TMEM266: variants seen among roughly 807,000 people sequenced by gnomAD.
TMEM266 encodes Hv1 related protein 1.
TMEM266 carries 33 observed loss-of-function variants against 50.5 expected under a neutral mutation model. The observed-to-expected ratio is 0.65, with a 90% CI of 0.50 to 0.87. The LOEUF is 0.87. Ranked by LOEUF, TMEM266 falls within the 40% of genes least tolerant of loss-of-function variation. TMEM266 has a pLI of 0.00. For synonymous variants in TMEM266, 310 were observed against 292.3 expected (o/e 1.06, Z -0.62); for missense variants, 655 against 695.1 (o/e 0.94, Z 0.65).
At chr15:76,194,041 A>G (rs2469566) in intron 9 of TMEM266, among the ~76,000 whole-genome samples, 77,181 of 151,918 alleles carry the variant, frequency 0.51, 19,933 homozygotes, top group South Asian at 0.63. Flanking sequence ...TTCTGGACCC[A>G]GGTCCCCACG....
intron 1 of TMEM266, among the ~76,000 whole-genome samples, chr15:76,083,217 C>T (rs1320402142): frequency 6.7e-6 from 1 of 150,164 alleles, no homozygotes; most frequent in Non-Finnish European, 1.5e-5. Flanking sequence ...GGGGAACCGT[C>T]AGGGGTGCTG....
intron 1 of TMEM266, among the ~76,000 whole-genome samples, chr15:76,060,916 A>T (rs2036289420): frequency 6.6e-6 from 1 of 152,116 alleles, no homozygotes; most frequent in Non-Finnish European, 1.5e-5. Flanking sequence ...TTAAAATAAG[A>T]CCTACCTATG....
intron 1 of TMEM266, among the ~76,000 whole-genome samples, chr15:76,111,655 G>A (rs888682303): frequency 4.6e-5 from 7 of 152,176 alleles, no homozygotes; most frequent in East Asian, 1.9e-4. Flanking sequence ...TGATCCACCC[G>A]CCTCAGCCTC....
intron 1 of TMEM266, among the ~76,000 whole-genome samples, chr15:76,069,108 GA>G (rs1449323657): frequency 6.6e-6 from 1 of 152,096 alleles, no homozygotes; most frequent in African/African-American, 2.4e-5. Context: ...TGACATAGCA[GA>G]AAAAAGATAG....
At chr15:76,073,337 A>G (rs1224186875) in intron 1 of TMEM266, among the ~76,000 whole-genome samples, 3 of 150,552 alleles carry the variant, frequency 2.0e-5, no homozygotes, top group Admixed American at 6.6e-5. Context: ...GGTCCAAGTG[A>G]TTCTTCTGCC....
At chr15:76,091,103 C>A (rs990902057) in intron 1 of TMEM266, among the ~76,000 whole-genome samples, 1 of 151,778 alleles carries the variant, frequency 6.6e-6, no homozygotes, top group Non-Finnish European at 1.5e-5. Flanking sequence ...ATTAGGAGAT[C>A]CTGGCTAACA....
chr15:76,191,718 C>T lies in TMEM266; in HGVS notation c.769-250C>T. ...CGTTGTGTTTCCTCTCCCGGGCATCCGTGAGATGGGGGCCAGACTGCAAGG... is the reference window on the plus strand; with the variant it reads ...CGTTGTGTTTCCTCTCCCGGGCATCTGTGAGATGGGGGCCAGACTGCAAGG... On this transcript the variant is annotated intron_variant, in intron 8 of 10. Transcript: ENST00000388942. The T allele has an allele frequency of 8.9e-6, 4 of 447,498 alleles. No individual in the cohort carries two copies. The South Asian group carries it at 1.2e-4, about 14-fold the overall frequency. 27.7% of individuals were successfully genotyped at this position (447,498 alleles called of 1,614,324 possible).
At chr15:76,198,881 G>A (rs74723493) in intron 9 of TMEM266, among the ~76,000 whole-genome samples, 341 of 152,288 alleles carry the variant, frequency 2.2e-3, no homozygotes, top group African/African-American at 7.9e-3. Flanking sequence ...TCAGACTCAC[G>A]CCTTAAAGCT....
intron 4 of TMEM266, among the ~76,000 whole-genome samples, chr15:76,159,365 T>C (rs1171934237): frequency 6.6e-6 from 1 of 152,174 alleles, no homozygotes; most frequent in Non-Finnish European, 1.5e-5. Context: ...GCCTTAACTC[T>C]AAGGAGTGGC....
rs1380918095 is a variant in TMEM266 at position 76,192,121 on chromosome 15, G to C, written c.922G>C (p.Ala308Pro). The change falls in exon 9 of 11, where the codon GCC becomes CCC. Residue 308 changes from alanine (A) to proline (P), a missense_variant. Around this residue, in one of 3 missense-constraint regions of TMEM266, gnomAD observed 455 missense variants for 401.8 expected, o/e 1.13. Transcript: ENST00000388942. ...CGGCACGTGGGACGAGGAGACGGCG[G>C]CCGAGAGCGTCGTGGAGGAGCTGCA... 1 of 1,413,392 alleles carries C rather than the reference G, an allele frequency of 7.1e-7. No individual in the cohort carries two copies. Among genetic ancestry groups the C allele is most frequent in the Non-Finnish European group, 9.2e-7 (1 of 1,084,946 alleles). The allele number at this position is 1,413,392 out of a possible 1,614,324, so 87.6% of individuals were successfully genotyped here.
At chr15:76,086,661 T>C (rs915010911) in intron 1 of TMEM266, among the ~76,000 whole-genome samples, 14 of 152,196 alleles carry the variant, frequency 9.2e-5, no homozygotes, top group African/African-American at 3.1e-4. Context: ...CTGTAAACCC[T>C]ATGTAAATGA....
At position 76,153,742 on chromosome 15, in the gene TMEM266, C is replaced by T. The variant is rs931351325; in HGVS notation, c.228-2862C>T. Among the ~76,000 whole-genome samples the T allele has an allele frequency of 7.9e-5, 12 of 151,894 alleles. No homozygotes were observed. The highest frequency in any genetic ancestry group is 2.2e-4 in the African/African-American group (9 of 41,328). The stretch of plus-strand genomic sequence containing the variant: ...AAAAGGGGAGGCAGGAATGTCACAT[C>T]GTGGGAAAAGAAGCAGGGGGAGTAG... On this transcript the variant is annotated intron_variant, in intron 3 of 10. Transcript: ENST00000388942. The surrounding 1 kb of genome is among the most constrained non-coding windows in gnomAD (Gnocchi z 4.2).
chr15:76,171,895 C>T (rs1226177396), intron 7 of TMEM266, among the ~76,000 whole-genome samples: 1 of 152,166 alleles, frequency 6.6e-6, no homozygotes, highest in African/African-American at 2.4e-5. Context: ...AGAAAACCCA[C>T]CCCTGAAGAA....
chr15:76,163,652 C>T (rs999839230), intron 5 of TMEM266, among the ~76,000 whole-genome samples: 3 of 152,198 alleles, frequency 2.0e-5, no homozygotes, highest in Non-Finnish European at 4.4e-5. Context: ...GCTCCTCCCC[C>T]GAGACTGCAG....
At chr15:76,187,476 G>A (rs1440861376) in intron 8 of TMEM266, among the ~76,000 whole-genome samples, 1 of 152,258 alleles carries the variant, frequency 6.6e-6, no homozygotes, top group Non-Finnish European at 1.5e-5. Context: ...CAGAGCTTGG[G>A]AGGGTTGCCT....
intron 3 of TMEM266, among the ~76,000 whole-genome samples, chr15:76,142,545 C>T (rs2037696469): frequency 6.6e-6 from 1 of 152,206 alleles, no homozygotes; most frequent in Non-Finnish European, 1.5e-5. Context: ...TTACATTCCA[C>T]CTGACAGTGC....
At chr15:76,157,429 G>C (rs917841162) in intron 4 of TMEM266, among the ~76,000 whole-genome samples, 1 of 152,164 alleles carries the variant, frequency 6.6e-6, no homozygotes, top group Admixed American at 6.5e-5. Flanking sequence ...TGCTTGGCCA[G>C]TTCTCTTCCT....
intron 8 of TMEM266, chr15:76,191,746 C>T (rs1479943684): frequency 8.1e-6 from 4 of 492,686 alleles, no homozygotes; most frequent in South Asian, 3.1e-5. Flanking sequence ...CTGCAAGGCA[C>T]CTGAGACGCA....
intron 1 of TMEM266, among the ~76,000 whole-genome samples, chr15:76,105,985 C>T (rs1368974625): frequency 6.6e-6 from 1 of 152,180 alleles, no homozygotes; most frequent in Non-Finnish European, 1.5e-5. Context: ...AAGGTGGCCT[C>T]ACGTTCTACT....
Sources: allele counts gnomAD v4.1 joint callset (sites outside exome capture counted in the v4.1 genomes callset), GRCh38; gene constraint gnomAD v4.1.1; regional missense constraint gnomAD v4.1.1; non-coding constraint Gnocchi (gnomAD v3.1); transcripts MANE v1.5; gene names NCBI Gene and HGNC (gene_info 2026-07-23, HGNC 2026-07-21).